KDR: variants seen among roughly 807,000 people sequenced by gnomAD.
The protein encoded by KDR is vascular endothelial growth factor receptor 2.
Under a neutral mutation model 160.9 loss-of-function variants are expected in KDR, and 43 were observed. That is an observed-to-expected ratio of 0.27 (90% CI 0.21 to 0.34). The LOEUF is 0.34. KDR is among the 10% of genes least tolerant of loss of function. KDR has a pLI of 1.00. For missense variants in KDR, 1,469 were observed against 1,666.4 expected (o/e 0.88, Z 2.06); for synonymous variants, 617 against 600.1 (o/e 1.03, Z -0.41).
In KDR at chr4:55,110,779, A is replaced by T; in HGVS notation, c.977-11T>A. ...CAACAAAAGGTTTTTCTGGAAGAAA[A>T]TAAAAAAAAAAAAAGGTCAACTTAC... On this transcript the variant is annotated splice_polypyrimidine_tract_variant and intron_variant, in intron 7 of 29. Coordinates refer to ENST00000263923, the MANE Select transcript of KDR (RefSeq NM_002253.4). 6.8e-7 allele frequency: 1 copy of T among 1,469,098 alleles called. No individual in the cohort carries two copies. The allele number at this position is 1,469,098 out of a possible 1,614,324, so 91.0% of individuals were successfully genotyped here. A position where few individuals can be genotyped will look rare whatever the true frequency, so the allele number is the denominator to read the frequency against.
chr4:55,102,561 G>T, intron 13 of KDR, 53 bp from the exon 14 acceptor site: 1 of 1,599,138 alleles, frequency 6.3e-7, no homozygotes, highest in South Asian at 1.1e-5. Flanking sequence ...TTTTGAAATG[G>T]TTCTGGTATC....
chr4:55,118,656 C>T lies in KDR; in HGVS notation c.306G>A (p.Lys102=). ...KVIGNDTGAY[K]CFYRETDLAS... ...CCAAGTCAGTTTCCCGGTAGAAGCACTTGTAGGCTCCAGTGTCATTTCCGA... is the reference window on the plus strand; with the variant it reads ...CCAAGTCAGTTTCCCGGTAGAAGCATTTGTAGGCTCCAGTGTCATTTCCGA... The change falls in exon 3 of 30, where the codon AAG becomes AAA. Residue 102 remains lysine, a synonymous_variant. Coordinates refer to ENST00000263923, the MANE Select transcript of KDR (RefSeq NM_002253.4). 1 of 1,614,152 alleles carries T rather than the reference C, an allele frequency of 6.2e-7. No individual in the cohort carries two copies. The highest frequency in any genetic ancestry group is 8.5e-7 in the Non-Finnish European group (1 of 1,180,026).
At chr4:55,099,269 C>A (rs1720250524) in intron 15 of KDR, among the ~76,000 whole-genome samples, 1 of 152,182 alleles carries the variant, frequency 6.6e-6, no homozygotes, top group South Asian at 2.1e-4. Flanking sequence ...TCCCCCCTGC[C>A]TTGGCCTCCC....
chr4:55,103,596 T>C (rs1002253320), intron 13 of KDR, among the ~76,000 whole-genome samples: 4 of 152,148 alleles, frequency 2.6e-5, no homozygotes, highest in Admixed American at 1.3e-4. Context: ...ACTTGAAGGA[T>C]GCTGGGGATG....
chr4:55,093,982 C>G (rs1261764334), intron 21 of KDR, among the ~76,000 whole-genome samples: 1 of 151,904 alleles, frequency 6.6e-6, no homozygotes, highest in African/African-American at 2.4e-5. Context: ...GGCGGATCAC[C>G]TGAGATCAGG....
chr4:55,092,428 T>G, intron 22 of KDR, 189 bp downstream of exon 22: 1 of 617,684 alleles, frequency 1.6e-6, no homozygotes, highest in South Asian at 1.8e-5. Context: ...ATTATACAGC[T>G]TAATTTCATG....
At chr4:55,099,508 T>C (rs1253525188) in intron 15 of KDR, among the ~76,000 whole-genome samples, 1 of 152,170 alleles carries the variant, frequency 6.6e-6, no homozygotes, top group Admixed American at 6.5e-5. Context: ...AAAAAAAATA[T>C]TTCTATTTGA....
At chr4:55,113,599 G>A in intron 6 of KDR, 118 bp from the exon 7 acceptor site, 1 of 879,638 alleles carries the variant, frequency 1.1e-6, no homozygotes, top group Admixed American at 2.3e-5. Flanking sequence ...GCTAAAAACA[G>A]GGACACCAGA....
chr4:55,079,875 A>G lies in KDR; in HGVS notation c.*66T>C, dbSNP rs1392787167. 7.2e-7 allele frequency: 1 copy of G among 1,389,618 alleles called. No individual in the cohort carries two copies. Among genetic ancestry groups the G allele is most frequent in the Non-Finnish European group, 1.0e-6 (1 of 976,214 alleles). The allele number at this position is 1,389,618 out of a possible 1,614,324, so 86.1% of individuals were successfully genotyped here. Reference sequence around the variant, plus strand: ...CTACTTCCTGCTGGTGGAAAGAACAACACTTGAAAATCTGAGCAGCACCTC... The same window carrying G: ...CTACTTCCTGCTGGTGGAAAGAACAGCACTTGAAAATCTGAGCAGCACCTC... On this transcript the variant is annotated 3_prime_UTR_variant, in exon 30 of 30. Coordinates refer to ENST00000263923, the MANE Select transcript of KDR (RefSeq NM_002253.4).
In KDR at chr4:55,114,182, C is replaced by T. The variant is rs2110030889; in HGVS notation, c.742G>A (p.Ala248Thr). ...ATCCCCACATTTAGTTCAGTTCTTG[C>T]TGTACAATTTAAGACAAGCTTTTCT... is the stretch of plus-strand genomic sequence containing the variant. The part of the protein sequence containing the change: ...VGEKLVLNCT[A>T]RTELNVGIDF... Residue 248 changes from alanine (A) to threonine (T), a missense_variant, in exon 6 of 30, where the codon GCA becomes ACA. By Grantham distance (58) the Ala-to-Thr change is moderately conservative. This residue lies in a region of KDR where 792 missense variants were observed against 840.9 expected (regional missense o/e 0.94). Coordinates refer to ENST00000263923, the MANE Select transcript of KDR (RefSeq NM_002253.4). 1 of 1,613,992 alleles carries T rather than the reference C, an allele frequency of 6.2e-7. No homozygotes were observed. Among genetic ancestry groups the T allele is most frequent in the Non-Finnish European group, 8.5e-7 (1 of 1,179,882 alleles).
At position 55,102,414 on chromosome 4, in the gene KDR, G is replaced by A. The variant is rs750718982; in HGVS notation, c.2082C>T (p.Pro694=). The change falls in exon 14 of 30, where the codon CCC becomes CCT. Residue 694 remains proline (P), a synonymous_variant. Coordinates refer to ENST00000263923, the MANE Select transcript of KDR (RefSeq NM_002253.4). ...IEVSCTASGN[P]PPQIMWFKDN... ...CTTTAAACCACATGATCTGTGGAGGGGGATTCCCAGATGCCGTGCATGAGA... is the reference window on the plus strand; with the variant it reads ...CTTTAAACCACATGATCTGTGGAGGAGGATTCCCAGATGCCGTGCATGAGA... 6 of 1,613,332 alleles carry A rather than the reference G, an allele frequency of 3.7e-6. No homozygotes were observed. Among genetic ancestry groups the A allele is most frequent in the Non-Finnish European group, 5.1e-6 (6 of 1,179,518 alleles).
At chr4:55,084,402 G>T (rs951775298) in intron 27 of KDR, among the ~76,000 whole-genome samples, 1 of 152,180 alleles carries the variant, frequency 6.6e-6, no homozygotes, top group Non-Finnish European at 1.5e-5. Flanking sequence ...GAGATATCTA[G>T]GGGATAGAAT....
At chr4:55,087,103 G>A (rs997086469) in intron 27 of KDR, among the ~76,000 whole-genome samples, 7 of 152,136 alleles carry the variant, frequency 4.6e-5, no homozygotes, top group Non-Finnish European at 7.4e-5. Flanking sequence ...ATAAAATGCT[G>A]AAAATCAGAC....
At chr4:55,091,097 C>T (rs539990883) in intron 22 of KDR, among the ~76,000 whole-genome samples, 1 of 152,260 alleles carries the variant, frequency 6.6e-6, no homozygotes, top group South Asian at 2.1e-4. Flanking sequence ...AGGTGATCCA[C>T]ACACCTTGGC....
chr4:55,116,856 A>G (rs1720748237), intron 3 of KDR, among the ~76,000 whole-genome samples: 1 of 152,198 alleles, frequency 6.6e-6, no homozygotes, highest in South Asian at 2.1e-4. Flanking sequence ...AGGGGACATT[A>G]AACACCTATC....
intron 2 of KDR, among the ~76,000 whole-genome samples, chr4:55,119,199 C>A (rs1176678396): frequency 2.1e-5 from 3 of 144,366 alleles, no homozygotes; most frequent in African/African-American, 7.8e-5. Flanking sequence ...AGAGGGCAAC[C>A]CTGCCTCAAA....
chr4:55,107,257 CTGT>C (rs1384968381), intron 10 of KDR, among the ~76,000 whole-genome samples: 1 of 152,078 alleles, frequency 6.6e-6, no homozygotes, highest in Non-Finnish European at 1.5e-5. Context: ...GGGTTGGCTG[CTGT>C]TGTTGTGTTT....
chr4:55,091,060 C>G (rs929032431), intron 22 of KDR, among the ~76,000 whole-genome samples: 9 of 151,940 alleles, frequency 5.9e-5, no homozygotes, highest in African/African-American at 2.2e-4. Context: ...ACCATGGTGG[C>G]CAGGCTGGTC....
At position 55,125,287 on chromosome 4, in the gene KDR, T is replaced by A; in HGVS notation, c.7A>T (p.Ser3Cys). The A allele has an allele frequency of 6.2e-7, 1 of 1,612,408 alleles. No homozygotes were observed. The highest frequency in any genetic ancestry group is 2.2e-5 in the East Asian group (1 of 44,832). ...AGGGCGACGGCCAGCAGCACCTTGC[T>A]CTGCATCCTGCACCTCGAGCCGGGC... MQ[S>C]KVLLAVALWL... The change falls in exon 1 of 30, where the codon AGC becomes TGC. Residue 3 changes from serine (S) to cysteine (C), a missense_variant. Physicochemically the swap from Ser to Cys is moderately radical, Grantham distance 112. Coordinates refer to ENST00000263923, the MANE Select transcript of KDR (RefSeq NM_002253.4).
Sources: gnomAD v4.1 joint callset for allele counts (sites outside exome capture counted in the v4.1 genomes callset) on GRCh38, gnomAD v4.1.1 for gene constraint, gnomAD v4.1.1 regional missense constraint, MANE v1.5 for transcripts, NCBI Gene and HGNC (gene_info 2026-07-23, HGNC 2026-07-21) for gene names.